RUNX2: variants seen among roughly 807,000 people sequenced by gnomAD.
RUNX2 encodes runt-related transcription factor 2.
In RUNX2, 10 loss-of-function variants were observed where a neutral mutation model predicts 51.7. That is an observed-to-expected ratio of 0.19 (90% confidence interval 0.12 to 0.33). The LOEUF is 0.33. Ranked by LOEUF, RUNX2 falls within the 10% of genes least tolerant of loss-of-function variation. RUNX2 has a pLI of 1.00. For missense variants in RUNX2, 562 were observed against 691.3 expected (o/e 0.81, Z 2.10); for synonymous variants, 276 against 273.6 (o/e 1.01, Z -0.09).
intron 5 of RUNX2, among the ~76,000 whole-genome samples, chr6:45,472,492 G>T (rs1374431173): frequency 6.6e-6 from 1 of 152,188 alleles, no homozygotes; most frequent in East Asian, 1.9e-4. Flanking sequence ...CAGGAGCGGG[G>T]CTGTCTGTCA....
intron 7 of RUNX2, among the ~76,000 whole-genome samples, chr6:45,537,340 A>G (rs1428751415): frequency 6.6e-6 from 1 of 152,150 alleles, no homozygotes; most frequent in Non-Finnish European, 1.5e-5. Flanking sequence ...TCACATGAAA[A>G]TGACCCCGAA....
chr6:45,386,362 C>T (rs781393953), intron 2 of RUNX2, among the ~76,000 whole-genome samples: 13 of 152,260 alleles, frequency 8.5e-5, no homozygotes, highest in East Asian at 3.9e-4. Context: ...CCACTGCGCC[C>T]GTCCTATTAG....
rs1248964082 is a variant in RUNX2, at chr6:45,548,081, C to A, written c.*776C>A. On this transcript the variant is annotated 3_prime_UTR_variant, in exon 9 of 9. Coordinates refer to ENST00000647337, the MANE Select transcript of RUNX2 (RefSeq NM_001024630.4). The stretch of plus-strand genomic sequence containing the variant: ...TGAAAATGGCAATACATTATTATAG[C>A]CATAATGGTATAGATAGTGATTGCG... 1 of 152,480 alleles carries A rather than the reference C, an allele frequency of 6.6e-6. No homozygotes were observed. Among genetic ancestry groups the A allele is most frequent in the South Asian group, 2.1e-4 (1 of 4,828 alleles). 9.4% of individuals were successfully genotyped at this position (152,480 alleles called of 1,614,324 possible). A position where few individuals can be genotyped will look rare whatever the true frequency, so the allele number is the denominator to read the frequency against.
In RUNX2 at chr6:45,471,465, G is replaced by A. The variant is rs190815019; in HGVS notation, c.686-20476G>A. ...TTTCTTTCTTTTTTTTTTTTTTTGAGATGGAGTCTCGCTGTGTCGCCCAGG... is the reference window on the plus strand; with the variant it reads ...TTTCTTTCTTTTTTTTTTTTTTTGAAATGGAGTCTCGCTGTGTCGCCCAGG... On this transcript the variant is annotated intron_variant, in intron 5 of 8. Coordinates refer to ENST00000647337, the MANE Select transcript of RUNX2 (RefSeq NM_001024630.4). 4.2e-3 allele frequency among the ~76,000 whole-genome samples: 604 copies of A among 145,122 alleles called. 7 individuals carry two copies. The highest frequency in any genetic ancestry group is 0.018 in the South Asian group (81 of 4,560).
At position 45,471,323 on chromosome 6, in the gene RUNX2, A is replaced by C. The variant is rs77121368; in HGVS notation, c.686-20618A>C. On this transcript the variant is annotated intron_variant, in intron 5 of 8. Transcript: ENST00000647337. Reference sequence around the variant, plus strand: ...TAGCGTTTGGGAGATATTTATGGATATAAGTCAGGGAATCATCCTCTTTCT... The same window carrying C: ...TAGCGTTTGGGAGATATTTATGGATCTAAGTCAGGGAATCATCCTCTTTCT... Among the ~76,000 whole-genome samples, 1,467 of 152,274 alleles carry C rather than the reference A, an allele frequency of 9.6e-3. 22 individuals carry two copies. Among genetic ancestry groups the C allele is most frequent in the African/African-American group, 0.033 (1,355 of 41,542 alleles).
intron 2 of RUNX2, among the ~76,000 whole-genome samples, chr6:45,353,302 T>C (rs960561984): frequency 2.0e-5 from 3 of 151,976 alleles, no homozygotes; most frequent in Non-Finnish European, 2.9e-5. Context: ...TTCCTAAAAA[T>C]TCATCTGGAA....
rs1199475592 is a variant in RUNX2 at position 45,512,303 on chromosome 6, A to G, written c.917A>G (p.Tyr306Cys). The change falls in exon 7 of 9, where the codon TAC (tyrosine) becomes TGC (cysteine). Residue 306 changes from tyrosine (Y) to cysteine (C), a missense_variant. Around this residue, in one of 5 missense-constraint regions of RUNX2, gnomAD observed 304 missense variants for 353.2 expected, o/e 0.86. Coordinates refer to ENST00000647337, the MANE Select transcript of RUNX2 (RefSeq NM_001024630.4). ...PWSYDQSYPS[Y>C]LSQMTSPSIH... ...TCCTATGACCAGTCTTACCCCTCCT[A>G]CCTGAGCCAGATGACGTCCCCGTCC... is the stretch of plus-strand genomic sequence containing the variant. 6.2e-7 allele frequency: 1 copy of G among 1,613,994 alleles called. No individual in the cohort carries two copies. The highest frequency in any genetic ancestry group is 8.5e-7 in the Non-Finnish European group (1 of 1,179,974).
chr6:45,465,943 G>A (rs890026230), intron 5 of RUNX2, among the ~76,000 whole-genome samples: 6 of 151,910 alleles, frequency 3.9e-5, no homozygotes, highest in East Asian at 1.9e-4. Flanking sequence ...ACTGTACCCC[G>A]CCCTACTTCT....
At chr6:45,447,999 T>C (rs1799052553) in intron 5 of RUNX2, among the ~76,000 whole-genome samples, 1 of 152,216 alleles carries the variant, frequency 6.6e-6, no homozygotes, top group Non-Finnish European at 1.5e-5. Context: ...TTTCAGGTCA[T>C]TATTATCAGG....
intron 2 of RUNX2, among the ~76,000 whole-genome samples, chr6:45,347,284 C>A (rs749998955): frequency 6.6e-6 from 1 of 151,974 alleles, no homozygotes; most frequent in Non-Finnish European, 1.5e-5. Flanking sequence ...AAAATGAATT[C>A]GATTTCACTG....
rs1295832612 is a variant in RUNX2, at chr6:45,547,900, T to G, written c.*595T>G. ...CTCATCTGAACTGTTGGGTTCGTTT[T>G]TTTTTTTTTTTTTCCTGCTCCAAGA... is the stretch of plus-strand genomic sequence containing the variant. On this transcript the variant is annotated 3_prime_UTR_variant, in exon 9 of 9. Coordinates refer to ENST00000647337, the MANE Select transcript of RUNX2 (RefSeq NM_001024630.4). The G allele has an allele frequency of 6.6e-6, 1 of 152,054 alleles. No individual in the cohort carries two copies. Among genetic ancestry groups the G allele is most frequent in the African/African-American group, 2.5e-5 (1 of 39,814 alleles). 9.4% of individuals were successfully genotyped at this position (152,054 alleles called of 1,614,324 possible). A position where few individuals can be genotyped will look rare whatever the true frequency, so the allele number is the denominator to read the frequency against.
At chr6:45,362,868 A>G (rs769134236) in intron 2 of RUNX2, among the ~76,000 whole-genome samples, 6 of 152,160 alleles carry the variant, frequency 3.9e-5, no homozygotes, top group African/African-American at 7.2e-5. Context: ...CCCAAGGTCC[A>G]TCAAATGCAC....
intron 2 of RUNX2, among the ~76,000 whole-genome samples, chr6:45,416,630 C>T (rs1247117977): frequency 6.6e-6 from 1 of 152,178 alleles, no homozygotes; most frequent in Admixed American, 6.5e-5. Flanking sequence ...CACCAAAATA[C>T]CAGAAGGCTG....
At chr6:45,414,500 G>A (rs958006744) in intron 2 of RUNX2, among the ~76,000 whole-genome samples, 23 of 152,006 alleles carry the variant, frequency 1.5e-4, no homozygotes, top group African/African-American at 3.9e-4. Context: ...TTGTAAGTCC[G>A]TCTAGTGGAG....
chr6:45,503,931 T>C (rs1382872291), intron 6 of RUNX2, among the ~76,000 whole-genome samples: 1 of 152,206 alleles, frequency 6.6e-6, no homozygotes. Context: ...GTCTTCTAAG[T>C]TTACTAATTC....
At chr6:45,545,073 A>G in intron 7 of RUNX2, 144 bp from the exon 8 acceptor site, 1 of 719,324 alleles carries the variant, frequency 1.4e-6, no homozygotes, top group Non-Finnish European at 2.4e-6. Flanking sequence ...GGGCCTGCAG[A>G]CTCTGGGAAA....
chr6:45,517,341 C>T (rs1265679584), intron 7 of RUNX2, among the ~76,000 whole-genome samples: 1 of 152,088 alleles, frequency 6.6e-6, no homozygotes, highest in Non-Finnish European at 1.5e-5. Flanking sequence ...ACCACCTTGC[C>T]AGGCCAATAT....
rs552309992 is a variant in RUNX2, at chr6:45,488,701, G to A, written c.686-3240G>A. Reference sequence around the variant, plus strand: ...GGGAATTTTCTTATTCAGCAATGATGGAAGGATTCAGGGAGAAGTTCAGCT... The same window carrying A: ...GGGAATTTTCTTATTCAGCAATGATAGAAGGATTCAGGGAGAAGTTCAGCT... On this transcript the variant is annotated intron_variant, in intron 5 of 8. Coordinates refer to ENST00000647337, the MANE Select transcript of RUNX2 (RefSeq NM_001024630.4). 4.5e-5 allele frequency among the ~76,000 whole-genome samples: 6 copies of A among 133,704 alleles called. No homozygotes were observed. In the South Asian group the frequency reaches 1.4e-3, roughly 31 times the overall value. 87.7% of individuals were successfully genotyped at this position (133,704 alleles called of 152,430 possible).
At chr6:45,496,661 G>T (rs1800657732) in intron 6 of RUNX2, among the ~76,000 whole-genome samples, 1 of 152,188 alleles carries the variant, frequency 6.6e-6, no homozygotes, top group Non-Finnish European at 1.5e-5. Context: ...GGCCACAATA[G>T]TGGCTTGGGT....
Sources: gnomAD v4.1 joint callset for allele counts (sites outside exome capture counted in the v4.1 genomes callset) on GRCh38, gnomAD v4.1.1 for gene constraint, gnomAD v4.1.1 regional missense constraint, MANE v1.5 for transcripts, NCBI Gene and HGNC (gene_info 2026-07-23, HGNC 2026-07-21) for gene names.